KDM1B: variants seen among roughly 807,000 people sequenced by gnomAD.
KDM1B encodes lysine-specific histone demethylase 2.
A neutral mutation model predicts 107.4 loss-of-function variants in KDM1B; 63 were observed. The ratio of observed to expected loss-of-function variants is 0.59; its 90% confidence interval spans 0.48 to 0.72. The LOEUF (loss-of-function observed/expected upper bound fraction) is 0.72, where lower values mean the gene tolerates loss of function less well. Among genes scored for constraint, KDM1B ranks in the 30% least tolerant of loss-of-function variants. The pLI, the probability that KDM1B is intolerant of heterozygous loss-of-function variation, is 0.00. For synonymous variants in KDM1B, 363 were observed against 363.9 expected (o/e 1.00, Z 0.03); for missense variants, 749 against 1,020.8 (o/e 0.73, Z 3.63).
At position 18,205,816 on chromosome 6, in the gene KDM1B, A is replaced by C. The variant is rs961868232; in HGVS notation, c.1659+152A>C. Reference sequence around the variant, plus strand: ...AGACCATCCTGGCCAACATGGTGAAACCCTGTCTCTACTAAAATACAAAAA... The same window carrying C: ...AGACCATCCTGGCCAACATGGTGAACCCCTGTCTCTACTAAAATACAAAAA... On this transcript the variant is annotated intron_variant, in intron 15 of 21. Transcript: ENST00000650836. The surrounding 1 kb of genome is among the most constrained non-coding windows in gnomAD (Gnocchi z 5.7). Among the ~76,000 whole-genome samples the C allele has an allele frequency of 3.9e-5, 6 of 152,044 alleles. No individual in the cohort carries two copies. Among genetic ancestry groups the C allele is most frequent in the African/African-American group, 1.4e-4 (6 of 41,384 alleles).
Position 18,177,313 on chromosome 6 carries a change from C to CT in KDM1B, c.534+5843dup, listed in dbSNP as rs904537443. On this transcript the variant is annotated intron_variant, in intron 7 of 21. Coordinates refer to ENST00000650836, the MANE Select transcript of KDM1B (RefSeq NM_001364614.2). ...ATTTCAGTGGTGTCAGTTGTAATATCTTTTTTTTTCTTAATGAAGTTATTT... is the reference window on the plus strand; with the variant it reads ...ATTTCAGTGGTGTCAGTTGTAATATCTTTTTTTTTTCTTAATGAAGTTATTT... Among the ~76,000 whole-genome samples, 8 of 151,164 alleles carry CT rather than the reference C, an allele frequency of 5.3e-5. No individual in the cohort carries two copies. In the East Asian group the frequency reaches 5.8e-4, roughly 11 times the overall value.
At chr6:18,161,194 C>A in intron 3 of KDM1B, 133 bp from the exon 4 acceptor site, 1 of 701,720 alleles carries the variant, frequency 1.4e-6, no homozygotes, top group Non-Finnish European at 2.4e-6. Flanking sequence ...GCTGTATTGT[C>A]ATCCCTAACC....
In KDM1B at chr6:18,160,637, C is replaced by T. The variant is rs970174792; in HGVS notation, c.87+655C>T. Among the ~76,000 whole-genome samples the T allele has an allele frequency of 7.2e-5, 11 of 151,882 alleles. No individual in the cohort carries two copies. In the East Asian group the frequency reaches 1.4e-3, roughly 19 times the overall value. ...CCTGTAGTCTCAGCTACTCGGGAGG[C>T]TGAGGCAGGAGAATGGCGTGAACCT... is the stretch of plus-strand genomic sequence containing the variant. On this transcript the variant is annotated intron_variant, in intron 3 of 21. Coordinates refer to ENST00000650836, the MANE Select transcript of KDM1B (RefSeq NM_001364614.2).
rs77857000 is a variant in KDM1B at position 18,203,574 on chromosome 6, T to C, written c.1531+1917T>C. 0.036 allele frequency among the ~76,000 whole-genome samples: 5,478 copies of C among 152,246 alleles called. 277 individuals carry two copies. The highest frequency in any genetic ancestry group is 0.11 in the African/African-American group (4,658 of 41,514). On this transcript the variant is annotated intron_variant, in intron 14 of 21. Transcript: ENST00000650836. The surrounding 1 kb of genome is among the most constrained non-coding windows in gnomAD (Gnocchi z 5.5). The stretch of plus-strand genomic sequence containing the variant: ...TATTTACATAAAAATCACACTGTGC[T>C]GGGCGCGGTGGCTAACGCCTGTAAT...
At chr6:18,202,979 A>T (rs546537308) in intron 14 of KDM1B, among the ~76,000 whole-genome samples, 2 of 152,328 alleles carry the variant, frequency 1.3e-5, no homozygotes, top group South Asian at 4.1e-4. Flanking sequence ...GAGAACAGTT[A>T]TTAGGCTGAC....
At chr6:18,218,717 G>C (rs1431920081) in intron 21 of KDM1B, among the ~76,000 whole-genome samples, 1 of 151,782 alleles carries the variant, frequency 6.6e-6, no homozygotes, top group African/African-American at 2.4e-5. Flanking sequence ...CCATACCCTG[G>C]GTTTGTCTCT....
In KDM1B at chr6:18,179,849, CCTTTTTT is replaced by C. The variant is rs1786320342; in HGVS notation, c.535-5922_535-5916del. ...TTTCAATTTAGCATTGGTTTTTTTT[CCTTTTTT>C]TTTTTTTTTTTTTTTTTTTTTTCAT... is the stretch of plus-strand genomic sequence containing the variant. On this transcript the variant is annotated intron_variant, in intron 7 of 21. Coordinates refer to ENST00000650836, the MANE Select transcript of KDM1B (RefSeq NM_001364614.2). Among the ~76,000 whole-genome samples the C allele has an allele frequency of 1.4e-4, 13 of 96,236 alleles. 3 individuals are homozygous for C. Among genetic ancestry groups the C allele is most frequent in the African/African-American group, 3.7e-4 (9 of 24,076 alleles). The allele number at this position is 96,236 out of a possible 152,430, so 63.1% of individuals were successfully genotyped here.
chr6:18,169,123 C>T (rs1006184244), intron 6 of KDM1B, among the ~76,000 whole-genome samples: 4 of 152,120 alleles, frequency 2.6e-5, no homozygotes, highest in South Asian at 2.1e-4. Context: ...CTGCTCGCCT[C>T]GGCGTCCCAA....
rs1788654253 is a variant in KDM1B at position 18,209,377 on chromosome 6, A to G, written c.1866+1171A>G. On this transcript the variant is annotated intron_variant, in intron 17 of 21. Transcript: ENST00000650836. The surrounding 1 kb of genome is among the most constrained non-coding windows in gnomAD (Gnocchi z 4.3). ...TTCAGGTATCTAAAACTTATTTCAT[A>G]GTCCTTGATTTTCATACAGAAGTAA... 6.6e-6 allele frequency among the ~76,000 whole-genome samples: 1 copy of G among 152,210 alleles called. No individual in the cohort carries two copies. The highest frequency in any genetic ancestry group is 6.5e-5 in the Admixed American group (1 of 15,286).
In KDM1B at chr6:18,214,339, A is replaced by G. The variant is rs1174882719; in HGVS notation, c.2109+558A>G. On this transcript the variant is annotated intron_variant, in intron 19 of 21. Transcript: ENST00000650836. This position sits in a 1 kb window ranked among gnomAD's most constrained non-coding sequence, Gnocchi z 4.4. ...CTTAAAAGGTTTCACATAGGAGCCG[A>G]GGGCAGATTTTCTTTACCATTTGAG... 1.3e-5 allele frequency among the ~76,000 whole-genome samples: 2 copies of G among 152,196 alleles called. No homozygotes were observed. The highest frequency in any genetic ancestry group is 1.5e-5 in the Non-Finnish European group (1 of 68,024).
At position 18,159,960 on chromosome 6, in the gene KDM1B, C is replaced by T. The variant is rs1451988791; in HGVS notation, c.65C>T (p.Pro22Leu). The change falls in exon 3 of 22, where the codon CCT (proline) becomes CTT (leucine). Residue 22 changes from proline (P) to leucine (L), a missense_variant. Transcript: ENST00000650836. This position sits in a 1 kb window ranked among gnomAD's most constrained non-coding sequence, Gnocchi z 4.5. ...TTTGATCATTCTCCGGATAGCCTTC[C>T]TTTGAGGAGCTCCGGTAGGCAGGTA... is the stretch of plus-strand genomic sequence containing the variant. ...ASFDHSPDSL[P>L]LRSSGRQAKK... is the part of the protein sequence containing the mutation. 1.2e-6 allele frequency: 2 copies of T among 1,606,310 alleles called. No individual in the cohort carries two copies. Among genetic ancestry groups the T allele is most frequent in the South Asian group, 1.1e-5 (1 of 88,874 alleles).
At chr6:18,215,952 G>C (rs1290519380) in intron 20 of KDM1B, among the ~76,000 whole-genome samples, 2 of 152,040 alleles carry the variant, frequency 1.3e-5, no homozygotes, top group South Asian at 2.1e-4. Context: ...ACCATCTCTG[G>C]AGATTTGTAA....
Position 18,193,819 on chromosome 6 carries a change from A to C in KDM1B, c.969+2438A>C, listed in dbSNP as rs542009027. 3.3e-5 allele frequency among the ~76,000 whole-genome samples: 5 copies of C among 150,776 alleles called. No individual in the cohort carries two copies. The South Asian group carries it at 1.0e-3, about 32-fold the overall frequency. On this transcript the variant is annotated intron_variant, in intron 10 of 21. Coordinates refer to ENST00000650836, the MANE Select transcript of KDM1B (RefSeq NM_001364614.2). ...GGAGGTGGTGGCATCATTACTCTTG[A>C]GTCTTTGAAACAGATCAAGGTCATG...
At chr6:18,180,775 A>G (rs1786411859) in intron 7 of KDM1B, among the ~76,000 whole-genome samples, 1 of 152,204 alleles carries the variant, frequency 6.6e-6, no homozygotes, top group South Asian at 2.1e-4. Flanking sequence ...CATGTTGGCC[A>G]GGCTGGTCTC....
intron 7 of KDM1B, among the ~76,000 whole-genome samples, chr6:18,173,708 C>G (rs1297143200): frequency 1.3e-5 from 2 of 152,064 alleles, no homozygotes; most frequent in Non-Finnish European, 2.9e-5. Flanking sequence ...TTTTTCCATA[C>G]AGATATTTAG....
rs1785045781 is a variant in KDM1B, at chr6:18,162,718, G to A, written c.216-117G>A. 1.5e-6 allele frequency: 1 copy of A among 648,122 alleles called. No individual in the cohort carries two copies. Among genetic ancestry groups the A allele is most frequent in the Non-Finnish European group, 2.8e-6 (1 of 354,286 alleles). The allele number at this position is 648,122 out of a possible 1,614,324, so 40.1% of individuals were successfully genotyped here. On this transcript the variant is annotated intron_variant, in intron 4 of 21. Transcript: ENST00000650836. This position sits in a 1 kb window ranked among gnomAD's most constrained non-coding sequence, Gnocchi z 4.1. The stretch of plus-strand genomic sequence containing the variant: ...TTCCTGTTTCCCCTGTCCTTAAGGG[G>A]CTAAGTGGAGATAATGCAAAATGGG...
Position 18,209,958 on chromosome 6 carries a change from T to C in KDM1B, c.1866+1752T>C, listed in dbSNP as rs769924555. On this transcript the variant is annotated intron_variant, in intron 17 of 21. Transcript: ENST00000650836. This position sits in a 1 kb window ranked among gnomAD's most constrained non-coding sequence, Gnocchi z 4.3. ...GCCTCTGCTGTTCTGTAGCTCCACTTCTTGGTGTCCAGGACAGCAAGCTGG... is the reference window on the plus strand; with the variant it reads ...GCCTCTGCTGTTCTGTAGCTCCACTCCTTGGTGTCCAGGACAGCAAGCTGG... Among the ~76,000 whole-genome samples the C allele has an allele frequency of 1.1e-4, 16 of 152,266 alleles. No individual in the cohort carries two copies. Among genetic ancestry groups the C allele is most frequent in the Admixed American group, 7.8e-4 (12 of 15,290 alleles).
rs145511541 is a variant in KDM1B, at chr6:18,215,418, G to A, written c.2232+289G>A. 1.9e-3 allele frequency among the ~76,000 whole-genome samples: 291 copies of A among 152,294 alleles called. 1 individual carries two copies. The highest frequency in any genetic ancestry group is 6.3e-3 in the African/African-American group (262 of 41,566). ...TGTCGGCAGGGTTGGTTTCTCCTGG[G>A]TCCTCTCTGTTTGGCTGGTAGATGC... is the stretch of plus-strand genomic sequence containing the variant. On this transcript the variant is annotated intron_variant, in intron 20 of 21. Transcript: ENST00000650836.
In KDM1B at chr6:18,170,292, C is replaced by T. The variant is rs1182024175; in HGVS notation, c.418-1071C>T. ...AGCTTCCCTTAATGTTGTCATCTTACATACCATGATTATTTGTCAAAGTAA... is the reference window on the plus strand; with the variant it reads ...AGCTTCCCTTAATGTTGTCATCTTATATACCATGATTATTTGTCAAAGTAA... On this transcript the variant is annotated intron_variant, in intron 6 of 21. Coordinates refer to ENST00000650836, the MANE Select transcript of KDM1B (RefSeq NM_001364614.2). Among the ~76,000 whole-genome samples the T allele has an allele frequency of 3.9e-5, 6 of 152,084 alleles. No homozygotes were observed. The East Asian group carries it at 9.6e-4, about 24-fold the overall frequency.
Sources: allele counts gnomAD v4.1 joint callset (sites outside exome capture counted in the v4.1 genomes callset), GRCh38; gene constraint gnomAD v4.1.1; non-coding constraint Gnocchi (gnomAD v3.1); transcripts MANE v1.5; gene names NCBI Gene and HGNC (gene_info 2026-07-23, HGNC 2026-07-21).